The following ZFYVE28 variants were observed in gnomAD, a reference collection of about 807,000 sequenced individuals.
ZFYVE28 encodes lateral signaling target protein 2 homolog.
In ZFYVE28, 40 loss-of-function variants were observed where a neutral mutation model predicts 82.1. The observed-to-expected ratio is 0.49, with a 90% CI of 0.38 to 0.63. The LOEUF is 0.63. Among genes scored for constraint, ZFYVE28 ranks in the 30% least tolerant of loss-of-function variants. ZFYVE28 has a pLI of 0.00. For missense variants in ZFYVE28, 1,321 were observed against 1,242.1 expected, an observed-to-expected ratio of 1.06 and a Z score of -0.96; for synonymous variants, 612 against 546.1, an observed-to-expected ratio of 1.12 and a Z score of -1.68.
At chr4:2,397,886 T>C (rs1730649700) in intron 1 of ZFYVE28, among the ~76,000 whole-genome samples, 1 of 152,096 alleles carries the variant, frequency 6.6e-6, no homozygotes, top group Non-Finnish European at 1.5e-5. Context: ...GGAGACACTT[T>C]GGAGGCCACG....
At chr4:2,308,675 A>AAGGAAGAG (rs1717008819) in intron 7 of ZFYVE28, among the ~76,000 whole-genome samples, 2 of 93,146 alleles carry the variant, frequency 2.1e-5, no homozygotes, top group African/African-American at 8.4e-5. Flanking sequence ...GAAAGAAAGA[A>AAGGAAGAG]AGAGAAAGAA....
chr4:2,349,441 G>A (rs1044999612), intron 2 of ZFYVE28, among the ~76,000 whole-genome samples: 1 of 151,824 alleles, frequency 6.6e-6, no homozygotes, highest in African/African-American at 2.4e-5. Flanking sequence ...TGGGTGCAGC[G>A]CACCAGCATG....
At chr4:2,282,645 G>A (rs577793948) in intron 8 of ZFYVE28, among the ~76,000 whole-genome samples, 2 of 152,364 alleles carry the variant, frequency 1.3e-5, no homozygotes, top group African/African-American at 2.4e-5. Context: ...AAGTGAGTAT[G>A]CAAACAGAAA....
Position 2,332,105 on chromosome 4 carries a change from C to T in ZFYVE28, c.701+3600G>A, listed in dbSNP as rs1274850829. 6.6e-6 allele frequency among the ~76,000 whole-genome samples: 1 copy of T among 152,160 alleles called. No individual in the cohort carries two copies. Among genetic ancestry groups the T allele is most frequent in the African/African-American group, 2.4e-5 (1 of 41,438 alleles). On this transcript the variant is annotated intron_variant, in intron 6 of 12. Coordinates refer to ENST00000290974, the MANE Select transcript of ZFYVE28 (RefSeq NM_020972.3). The surrounding 1 kb of genome is among the most constrained non-coding windows in gnomAD (Gnocchi z 4.7). ...CTGACACTGTGTGCTGGAGAAGGGA[C>T]TGGGGCTCTCGGGCAGCAGCACAGT...
intron 6 of ZFYVE28, among the ~76,000 whole-genome samples, chr4:2,322,544 A>C (rs1310039452): frequency 1.3e-5 from 2 of 152,154 alleles, no homozygotes; most frequent in African/African-American, 4.8e-5. Flanking sequence ...CGCCCCGCAC[A>C]GTGGAGAAAG....
chr4:2,360,874 G>T (rs1382402229), intron 1 of ZFYVE28, among the ~76,000 whole-genome samples: 1 of 152,170 alleles, frequency 6.6e-6, no homozygotes, highest in Non-Finnish European at 1.5e-5. Context: ...GGCGGTTAAT[G>T]TTCCATCACT....
At chr4:2,318,737 C>T (rs773221781) in intron 7 of ZFYVE28, among the ~76,000 whole-genome samples, 6 of 152,168 alleles carry the variant, frequency 3.9e-5, no homozygotes, top group Admixed American at 6.5e-5. Context: ...AGCAGAGGCA[C>T]GTTCCACCCA....
At chr4:2,277,714 C>T (rs1411902678) in intron 8 of ZFYVE28, among the ~76,000 whole-genome samples, 2 of 152,124 alleles carry the variant, frequency 1.3e-5, no homozygotes, top group South Asian at 2.1e-4. Flanking sequence ...GAAGACATCT[C>T]GTGTTCACAG....
At chr4:2,410,454 C>CTTT (rs11358765) in intron 1 of ZFYVE28, among the ~76,000 whole-genome samples, 1 of 119,338 alleles carries the variant, frequency 8.4e-6, no homozygotes, top group Admixed American at 8.7e-5. Flanking sequence ...TCCTCCCTTT[C>CTTT]TTTTTTTTTT....
intron 6 of ZFYVE28, among the ~76,000 whole-genome samples, chr4:2,331,715 T>A (rs1413844711): frequency 6.6e-6 from 1 of 151,934 alleles, no homozygotes; most frequent in African/African-American, 2.4e-5. Context: ...TCAGAGCAAG[T>A]CCCCACAGGG....
intron 2 of ZFYVE28, among the ~76,000 whole-genome samples, chr4:2,353,296 C>T (rs2108881917): frequency 6.6e-6 from 1 of 152,302 alleles, no homozygotes; most frequent in Middle Eastern, 3.4e-3. Context: ...TGATAGACTC[C>T]CCCCTGTTGG....
chr4:2,341,174 T>G lies in ZFYVE28; in HGVS notation c.318+304A>C. On this transcript the variant is annotated intron_variant, in intron 3 of 12. Coordinates refer to ENST00000290974, the MANE Select transcript of ZFYVE28 (RefSeq NM_020972.3). The surrounding 1 kb of genome is among the most constrained non-coding windows in gnomAD (Gnocchi z 4.5). The stretch of plus-strand genomic sequence containing the variant: ...GGAACACTTGTTCCTGATGTGGGCA[T>G]TACTGCCATTAAAAACCACTTTTAG... The G allele has an allele frequency of 2.2e-6, 1 of 446,620 alleles. No individual in the cohort carries two copies. The highest frequency in any genetic ancestry group is 4.3e-5 in the East Asian group (1 of 23,082). 27.7% of individuals were successfully genotyped at this position (446,620 alleles called of 1,614,324 possible).
Position 2,394,260 on chromosome 4 carries a change from T to G in ZFYVE28, c.39+24025A>C, listed in dbSNP as rs1730185421. Among the ~76,000 whole-genome samples the G allele has an allele frequency of 6.6e-6, 1 of 152,180 alleles. No homozygotes were observed. Among genetic ancestry groups the G allele is most frequent in the Non-Finnish European group, 1.5e-5 (1 of 68,034 alleles). On this transcript the variant is annotated intron_variant, in intron 1 of 12. Coordinates refer to ENST00000290974, the MANE Select transcript of ZFYVE28 (RefSeq NM_020972.3). This position sits in a 1 kb window ranked among gnomAD's most constrained non-coding sequence, Gnocchi z 4.0. ...TTCCATCTTTAACCTTTACTTCCCC[T>G]TTGCCACACACCTCATAGATTCATG...
chr4:2,312,599 G>A (rs1257362865), intron 7 of ZFYVE28, among the ~76,000 whole-genome samples: 4 of 151,548 alleles, frequency 2.6e-5, no homozygotes, highest in Non-Finnish European at 5.9e-5. Flanking sequence ...GTGGTGGCGG[G>A]CGCCTGTAGT....
At chr4:2,297,843 T>G in intron 8 of ZFYVE28, among the ~76,000 whole-genome samples, 1 of 135,674 alleles carries the variant, frequency 7.4e-6, no homozygotes, top group African/African-American at 2.9e-5. Context: ...GGTGACACAG[T>G]GACACGGCGG....
intron 8 of ZFYVE28, among the ~76,000 whole-genome samples, chr4:2,296,118 C>T (rs1482372249): frequency 6.6e-6 from 1 of 152,208 alleles, no homozygotes; most frequent in African/African-American, 2.4e-5. Context: ...CCCGAGAGCA[C>T]AGCCAGGCTG....
rs185884169 is a variant in ZFYVE28, at chr4:2,316,042, A to C, written c.803+4128T>G. Among the ~76,000 whole-genome samples, 437 of 152,134 alleles carry C rather than the reference A, an allele frequency of 2.9e-3. 5 individuals are homozygous for C. The highest frequency in any genetic ancestry group is 0.01 in the African/African-American group (416 of 41,508). On this transcript the variant is annotated intron_variant, in intron 7 of 12. Coordinates refer to ENST00000290974, the MANE Select transcript of ZFYVE28 (RefSeq NM_020972.3). ...GGTCTCTTCTATTAAGCTATCCTCA[A>C]GCTGACTACTTCTGTGTTCTGCTGG... is the stretch of plus-strand genomic sequence containing the variant.
At chr4:2,319,402 C>T (rs985636903) in intron 7 of ZFYVE28, among the ~76,000 whole-genome samples, 16 of 152,220 alleles carry the variant, frequency 1.1e-4, no homozygotes, top group African/African-American at 2.4e-4. Flanking sequence ...GCAAGGGTGA[C>T]GAGGACCCCA....
At position 2,396,413 on chromosome 4, in the gene ZFYVE28, C is replaced by T. The variant is rs1730465497; in HGVS notation, c.39+21872G>A. On this transcript the variant is annotated intron_variant, in intron 1 of 12. Transcript: ENST00000290974. ...TGAGCTGATGGGACCAGCCATCCTG[C>T]AGAGGGGACACAAGGCGGGGTGTCT... is the stretch of plus-strand genomic sequence containing the variant. Among the ~76,000 whole-genome samples the T allele has an allele frequency of 1.1e-4, 2 of 17,978 alleles. 1 individual carries two copies. The highest frequency in any genetic ancestry group is 1.8e-4 in the Non-Finnish European group (2 of 11,032). 11.8% of individuals were successfully genotyped at this position (17,978 alleles called of 152,430 possible). A position where few individuals can be genotyped will look rare whatever the true frequency, so the allele number is the denominator to read the frequency against.
Sources: allele counts gnomAD v4.1 joint callset (sites outside exome capture counted in the v4.1 genomes callset), GRCh38; gene constraint gnomAD v4.1.1; non-coding constraint Gnocchi (gnomAD v3.1); transcripts MANE v1.5; gene names NCBI Gene and HGNC (gene_info 2026-07-23, HGNC 2026-07-21).